DNAAF9: variants seen among roughly 807,000 people sequenced by gnomAD.
The protein encoded by DNAAF9 is dynein axonemal assembly factor 9.
In DNAAF9, 90 loss-of-function variants were observed where a neutral mutation model predicts 167.0. The ratio of observed to expected loss-of-function variants is 0.54; its 90% CI spans 0.45 to 0.64. The LOEUF (loss-of-function observed/expected upper bound fraction) is 0.64, where lower values mean the gene tolerates loss of function less well. Among genes scored for constraint, DNAAF9 ranks in the 30% least tolerant of loss-of-function variants. The pLI is 0.00. For synonymous variants in DNAAF9, 491 were observed against 508.8 expected (o/e 0.96, Z 0.47); for missense variants, 1,315 against 1,442.2 (o/e 0.91, Z 1.43).
chr20:3,365,848 T>C (rs2083426610), intron 6 of DNAAF9, among the ~76,000 whole-genome samples: 1 of 152,242 alleles, frequency 6.6e-6, no homozygotes, highest in South Asian at 2.1e-4. Flanking sequence ...GTAGATTCCA[T>C]CTCAAGAAAC....
intron 1 of DNAAF9, among the ~76,000 whole-genome samples, chr20:3,383,212 A>C (rs1418093037): frequency 6.8e-6 from 1 of 147,882 alleles, no homozygotes; most frequent in Admixed American, 6.8e-5. Flanking sequence ...TGATTCTTCC[A>C]CCTGGTCTCC....
Position 3,304,550 on chromosome 20 carries a change from GGAAAA to G in DNAAF9, c.1679-12_1679-8del. Reference sequence around the variant, plus strand: ...GAGAAGAAATGAACATTCCCTGGAAGGAAAAGAGAGTTGGTCAGAGCTGGAGGGCT... The same window carrying G: ...GAGAAGAAATGAACATTCCCTGGAAGGAGAGTTGGTCAGAGCTGGAGGGCT... On this transcript the variant is annotated splice_region_variant and splice_polypyrimidine_tract_variant and intron_variant, in intron 20 of 36. Transcript: ENST00000252032. The G allele has an allele frequency of 7.6e-7, 1 of 1,311,470 alleles. No homozygotes were observed. The highest frequency in any genetic ancestry group is 1.1e-6 in the Non-Finnish European group (1 of 904,760). 81.2% of individuals were successfully genotyped at this position (1,311,470 alleles called of 1,614,324 possible). A position where few individuals can be genotyped will look rare whatever the true frequency, so the allele number is the denominator to read the frequency against.
chr20:3,374,784 G>A (rs1323350240), intron 5 of DNAAF9, among the ~76,000 whole-genome samples: 2 of 152,108 alleles, frequency 1.3e-5, no homozygotes, highest in East Asian at 3.8e-4. Context: ...CATGTCAATT[G>A]TGCTAAATTC....
intron 32 of DNAAF9, 28 bp from the exon 33 acceptor site, chr20:3,259,582 A>G (rs1478011655): frequency 6.5e-7 from 1 of 1,534,244 alleles, no homozygotes; most frequent in South Asian, 1.1e-5. Flanking sequence ...CAGCGCTGTC[A>G]CCCACATGGA....
At chr20:3,286,363 C>CA (rs1568578701) in intron 27 of DNAAF9, among the ~76,000 whole-genome samples, 1 of 152,108 alleles carries the variant, frequency 6.6e-6, no homozygotes, top group Non-Finnish European at 1.5e-5. Flanking sequence ...AAGTCAGAGA[C>CA]AAAAAATCAG....
intron 29 of DNAAF9, among the ~76,000 whole-genome samples, chr20:3,276,267 C>G (rs1476421493): frequency 2.6e-5 from 4 of 152,186 alleles, no homozygotes; most frequent in South Asian, 2.1e-4. Flanking sequence ...CCTCCCTCCC[C>G]AGACAGCCCA....
At chr20:3,352,806 C>T (rs1424901693) in intron 7 of DNAAF9, among the ~76,000 whole-genome samples, 1 of 150,316 alleles carries the variant, frequency 6.7e-6, no homozygotes, top group African/African-American at 2.4e-5. Flanking sequence ...CAATGGATAT[C>T]AACACATCAA....
chr20:3,357,246 C>A (rs534412470), intron 7 of DNAAF9, among the ~76,000 whole-genome samples: 1 of 151,888 alleles, frequency 6.6e-6, no homozygotes, highest in African/African-American at 2.4e-5. Flanking sequence ...CCGAGGTGGG[C>A]GGACCACTTA....
At chr20:3,255,970 C>T (rs747067539) in intron 34 of DNAAF9, 36 bp downstream of exon 34, 3 of 1,535,448 alleles carry the variant, frequency 2.0e-6, no homozygotes, top group African/African-American at 1.4e-5. Context: ...TGTCTGGTCA[C>T]ATCTGTGTCA....
intron 33 of DNAAF9, among the ~76,000 whole-genome samples, chr20:3,256,765 G>A (rs1233324849): frequency 6.6e-6 from 1 of 152,240 alleles, no homozygotes; most frequent in Non-Finnish European, 1.5e-5. Flanking sequence ...TGGAATAGCT[G>A]TTATGGAAGA....
intron 1 of DNAAF9, among the ~76,000 whole-genome samples, chr20:3,404,426 A>G (rs6107284): frequency 0.044 from 6,629 of 152,152 alleles, 403 homozygotes; most frequent in East Asian, 0.15. Flanking sequence ...GTAGGAAACC[A>G]TTTTCTCTCA....
chr20:3,373,959 G>T, intron 6 of DNAAF9, 89 bp downstream of exon 6: 1 of 771,408 alleles, frequency 1.3e-6, no homozygotes, highest in Non-Finnish European at 2.2e-6. Context: ...CCAGCTTTTT[G>T]GTGTTATAAT....
chr20:3,268,633 C>T (rs1397990546), intron 30 of DNAAF9, among the ~76,000 whole-genome samples: 3 of 151,688 alleles, frequency 2.0e-5, no homozygotes, highest in African/African-American at 4.8e-5. Flanking sequence ...AGCCTAGATT[C>T]GCTTTTTTTG....
chr20:3,318,425 G>T (rs1320704645), intron 16 of DNAAF9, 25 bp from the exon 17 acceptor site: 1 of 1,198,424 alleles, frequency 8.3e-7, no homozygotes, highest in South Asian at 1.2e-5. Context: ...AAACCAGTTA[G>T]ATCAGTTACC....
intron 20 of DNAAF9, among the ~76,000 whole-genome samples, chr20:3,308,547 C>T (rs62208100): frequency 0.57 from 86,458 of 151,380 alleles, 24,747 homozygotes; most frequent in Admixed American, 0.6. Flanking sequence ...TTTCACCACG[C>T]TGGCCAGGCT....
At chr20:3,388,067 C>CA (rs901916873) in intron 1 of DNAAF9, among the ~76,000 whole-genome samples, 6,838 of 104,654 alleles carry the variant, frequency 0.065, 219 homozygotes, top group African/African-American at 0.097. Flanking sequence ...GACTCTGTCT[C>CA]AAAAAAAAAA....
intron 10 of DNAAF9, among the ~76,000 whole-genome samples, chr20:3,334,474 G>A (rs1009744629): frequency 6.6e-6 from 1 of 152,184 alleles, no homozygotes; most frequent in African/African-American, 2.4e-5. Context: ...CTTACTGAAA[G>A]ACATCTTGGT....
At chr20:3,265,567 T>A (rs111427581) in intron 30 of DNAAF9, among the ~76,000 whole-genome samples, 1 of 118,510 alleles carries the variant, frequency 8.4e-6, no homozygotes, top group East Asian at 2.8e-4. Flanking sequence ...AGAGTGAGAC[T>A]CTGTCTCAGA....
intron 20 of DNAAF9, among the ~76,000 whole-genome samples, chr20:3,312,869 C>T (rs182826698): frequency 4.5e-4 from 68 of 152,134 alleles, no homozygotes; most frequent in African/African-American, 1.6e-3. Context: ...CTCAGAAAAC[C>T]ATCTCCTAAT....
Sources: allele counts gnomAD v4.1 joint callset (sites outside exome capture counted in the v4.1 genomes callset), GRCh38; gene constraint gnomAD v4.1.1; transcripts MANE v1.5; gene names NCBI Gene and HGNC (gene_info 2026-07-23, HGNC 2026-07-21).